The following SDK1 variants were observed in gnomAD, a reference collection of about 807,000 sequenced individuals.
SDK1 encodes the protein sidekick cell adhesion molecule 1, also known as protein sidekick-1.
Under a neutral mutation model 245.5 loss-of-function variants are expected in SDK1, and 157 were observed. The ratio of observed to expected loss-of-function variants is 0.64; its 90% CI spans 0.56 to 0.73. The LOEUF (loss-of-function observed/expected upper bound fraction) is 0.73. SDK1 is among the 30% of genes least tolerant of loss of function. The probability of loss-of-function intolerance (pLI) is 0.00; values close to 1 mark genes in which losing one functional copy is unlikely to be tolerated. For synonymous variants in SDK1, 1,647 were observed against 1,278.5 expected, an observed-to-expected ratio of 1.29 and a Z score of -6.15; for missense variants, 3,583 against 3,002.3, an observed-to-expected ratio of 1.19 and a Z score of -4.52.
intron 4 of SDK1, among the ~76,000 whole-genome samples, chr7:3,816,619 A>T (rs1779513975): frequency 6.6e-6 from 1 of 152,054 alleles, no homozygotes; most frequent in African/African-American, 2.4e-5. Flanking sequence ...TTACCAACCA[A>T]AAAGAGTCCA....
chr7:3,620,883 T>A (rs1367934837), intron 2 of SDK1, among the ~76,000 whole-genome samples: 1 of 130,218 alleles, frequency 7.7e-6, no homozygotes, highest in Non-Finnish European at 1.7e-5. Context: ...TTATTGGGCC[T>A]ACCCTGTTGG....
At chr7:3,930,967 T>G (rs1394727714) in intron 5 of SDK1, among the ~76,000 whole-genome samples, 1 of 152,230 alleles carries the variant, frequency 6.6e-6, no homozygotes, top group African/African-American at 2.4e-5. Context: ...AAAAGAACAG[T>G]GATTTTTGCA....
chr7:3,929,549 G>C (rs1320752693), intron 5 of SDK1, among the ~76,000 whole-genome samples: 1 of 152,144 alleles, frequency 6.6e-6, no homozygotes, highest in Non-Finnish European at 1.5e-5. Flanking sequence ...GTTAATTTCA[G>C]GATTTTCTTG....
At chr7:4,130,833 C>T (rs558290050) in intron 27 of SDK1, among the ~76,000 whole-genome samples, 1 of 152,304 alleles carries the variant, frequency 6.6e-6, no homozygotes, top group African/African-American at 2.4e-5. Context: ...TCTCCCGCCA[C>T]AACACCCACC....
At chr7:3,743,314 A>T (rs1779528438) in intron 4 of SDK1, among the ~76,000 whole-genome samples, 1 of 152,016 alleles carries the variant, frequency 6.6e-6, no homozygotes, top group Non-Finnish European at 1.5e-5. Flanking sequence ...GAGGTTTGAG[A>T]CTCGGGTTCT....
intron 42 of SDK1, among the ~76,000 whole-genome samples, chr7:4,240,078 C>G (rs1180547530): frequency 6.6e-6 from 1 of 152,220 alleles, no homozygotes; most frequent in East Asian, 1.9e-4. Context: ...GTTCGTAAAT[C>G]AGATTTTATT....
In SDK1 at chr7:4,265,362, C is replaced by T; in HGVS notation, c.6620C>T (p.Thr2207Ile). The change falls in exon 45 of 45, where the codon ACC becomes ATC. Residue 2207 changes from threonine (T) to isoleucine (I), a missense_variant. Coordinates refer to ENST00000404826, the MANE Select transcript of SDK1 (RefSeq NM_152744.4). ...GGCCCCGGCGCGCGAACTCCGCTCA[C>T]CGGCTTCTCCTCCTTCGTGTGAGCA... ...PAGPGARTPL[T>I]GFSSFV The T allele has an allele frequency of 6.9e-7, 1 of 1,450,674 alleles. No homozygotes were observed. The highest frequency in any genetic ancestry group is 9.0e-7 in the Non-Finnish European group (1 of 1,114,600). 89.9% of individuals were successfully genotyped at this position (1,450,674 alleles called of 1,614,324 possible).
intron 1 of SDK1, among the ~76,000 whole-genome samples, chr7:3,612,563 C>G (rs1022738898): frequency 6.6e-6 from 1 of 152,176 alleles, no homozygotes; most frequent in South Asian, 2.1e-4. Flanking sequence ...ACAAATGATA[C>G]ATTCTGCCCT....
At chr7:4,221,215 T>C (rs747608364) in intron 39 of SDK1, 24 bp from the exon 40 acceptor site, 1 of 1,611,584 alleles carries the variant, frequency 6.2e-7, no homozygotes, top group Non-Finnish European at 8.5e-7. Context: ...ATGCCTCACC[T>C]CTCTTTTCTT....
intron 4 of SDK1, among the ~76,000 whole-genome samples, chr7:3,746,771 T>C (rs1779635418): frequency 1.3e-5 from 2 of 152,212 alleles, no homozygotes; most frequent in Non-Finnish European, 1.5e-5. Flanking sequence ...ACATCTGCAC[T>C]TACTTCTTCC....
At chr7:4,149,576 G>T in intron 30 of SDK1, 113 bp downstream of exon 30, 2 of 631,498 alleles carry the variant, frequency 3.2e-6, no homozygotes, top group Non-Finnish European at 4.9e-6. Flanking sequence ...ACCCCTGAGA[G>T]CACAGGCCCC....
chr7:3,534,087 T>A (rs1778797462), intron 1 of SDK1, among the ~76,000 whole-genome samples: 2 of 152,184 alleles, frequency 1.3e-5, no homozygotes, highest in Admixed American at 6.5e-5. Context: ...CCCGACATTG[T>A]TCTGTTCTCT....
At chr7:3,681,391 A>G (rs955256238) in intron 4 of SDK1, among the ~76,000 whole-genome samples, 1 of 152,080 alleles carries the variant, frequency 6.6e-6, no homozygotes, top group African/African-American at 2.4e-5. Context: ...TGATGAGATG[A>G]TTATAAACTG....
chr7:3,498,605 CATCT>C (rs1782095957), intron 1 of SDK1, among the ~76,000 whole-genome samples: 4 of 152,278 alleles, frequency 2.6e-5, no homozygotes, highest in Middle Eastern at 6.8e-3. Context: ...CTTGGTTTTC[CATCT>C]GTCGGCTTCC....
chr7:3,499,343 T>C (rs955806712), intron 1 of SDK1, among the ~76,000 whole-genome samples: 2 of 152,240 alleles, frequency 1.3e-5, no homozygotes, highest in Non-Finnish European at 2.9e-5. Flanking sequence ...CATTCCTTAA[T>C]GACTTAGCCA....
intron 27 of SDK1, 61 bp downstream of exon 27, chr7:4,130,158 C>A: frequency 6.9e-7 from 1 of 1,451,918 alleles, no homozygotes; most frequent in Non-Finnish European, 9.3e-7. Flanking sequence ...CTTTCCAATG[C>A]AAACAATTTG....
At chr7:3,835,804 A>G (rs1292750518) in intron 5 of SDK1, among the ~76,000 whole-genome samples, 1 of 152,026 alleles carries the variant, frequency 6.6e-6, no homozygotes, top group African/African-American at 2.4e-5. Context: ...CAAACAAGCA[A>G]TTTCAATATG....
At chr7:3,665,107 T>G (rs1413579490) in intron 4 of SDK1, among the ~76,000 whole-genome samples, 3 of 152,196 alleles carry the variant, frequency 2.0e-5, no homozygotes, top group Non-Finnish European at 4.4e-5. Context: ...GGCTGTTGTT[T>G]TTCTGAAGCC....
chr7:3,812,400 T>A (rs910669753), intron 4 of SDK1, among the ~76,000 whole-genome samples: 1 of 152,170 alleles, frequency 6.6e-6, no homozygotes, highest in Non-Finnish European at 1.5e-5. Flanking sequence ...CCAAAGGATT[T>A]TAAAGGAGTT....
Sources: allele counts gnomAD v4.1 joint callset (sites outside exome capture counted in the v4.1 genomes callset), GRCh38; gene constraint gnomAD v4.1.1; transcripts MANE v1.5; gene names NCBI Gene and HGNC (gene_info 2026-07-23, HGNC 2026-07-21).